Variants in TYW1B observed in about 807,000 individuals in gnomAD.
TYW1B encodes tRNA-yW synthesizing protein 1 homolog B.
TYW1B carries 73 observed loss-of-function variants against 86.9 expected under a neutral mutation model. The ratio of observed to expected loss-of-function variants is 0.84; its 90% CI spans 0.70 to 1.02. TYW1B has a LOEUF of 1.02. TYW1B is among the 50% of genes least tolerant of loss of function. The pLI, the probability that TYW1B is intolerant of heterozygous loss-of-function variation, is 0.00. For missense variants in TYW1B, 637 were observed against 827.4 expected (o/e 0.77, Z 2.82); for synonymous variants, 248 against 292.8 (o/e 0.85, Z 1.56).
chr7:72,633,568 C>A (rs1170397322), intron 11 of TYW1B, among the ~76,000 whole-genome samples: 1 of 152,216 alleles, frequency 6.6e-6, no homozygotes, highest in African/African-American at 2.4e-5. Context: ...CTGCTCCTCC[C>A]AGTGAATATC....
intron 7 of TYW1B, among the ~76,000 whole-genome samples, chr7:72,766,284 T>A (rs1787767589): frequency 6.6e-6 from 1 of 152,220 alleles, no homozygotes; most frequent in Admixed American, 6.5e-5. Context: ...CAAACTGACA[T>A]TGTCATATTA....
rs1459719199 is a variant in TYW1B at position 72,688,051 on chromosome 7, A to T, written c.1506+6636T>A. Among the ~76,000 whole-genome samples the T allele has an allele frequency of 2.6e-5, 4 of 152,186 alleles. No homozygotes were observed. The East Asian group carries it at 7.7e-4, about 29-fold the overall frequency. ...AAAATAATAATAATTAATAACATAT[A>T]TATAGTTGCAAAAATATGTACAACA... On this transcript the variant is annotated intron_variant, in intron 11 of 13. Transcript: ENST00000620995.
chr7:72,735,884 T>C (rs1330383462), intron 8 of TYW1B, among the ~76,000 whole-genome samples: 1 of 151,278 alleles, frequency 6.6e-6, no homozygotes. Flanking sequence ...AAAAAAAAAT[T>C]CACATACCGT....
chr7:72,770,520 C>T (rs1185615532), intron 7 of TYW1B, among the ~76,000 whole-genome samples: 15 of 151,452 alleles, frequency 9.9e-5, no homozygotes, highest in African/African-American at 3.6e-4. Context: ...AAAGACAATA[C>T]CACATGATGG....
chr7:72,769,072 C>T (rs556757525), intron 7 of TYW1B: 21 of 379,174 alleles, frequency 5.5e-5, no homozygotes, highest in Admixed American at 2.4e-4. Flanking sequence ...GCAAGGAACA[C>T]GGAGGCTAGT....
At chr7:72,628,564 C>T (rs1394930196) in intron 12 of TYW1B, among the ~76,000 whole-genome samples, 3 of 152,146 alleles carry the variant, frequency 2.0e-5, no homozygotes, top group Non-Finnish European at 4.4e-5. Context: ...TAAAAGTCAA[C>T]CAATTACTCA....
rs537695674 is a variant in TYW1B at position 72,656,007 on chromosome 7, C to T, written c.1507-27010G>A. Among the ~76,000 whole-genome samples, 105 of 152,346 alleles carry T rather than the reference C, an allele frequency of 6.9e-4. 2 individuals carry two copies. The South Asian group carries it at 0.021, about 30-fold the overall frequency. On this transcript the variant is annotated intron_variant, in intron 11 of 13. Transcript: ENST00000620995. The stretch of plus-strand genomic sequence containing the variant: ...CACCACTATTGCATGAGCATGCCAC[C>T]TGGAGGCCCAAAGACTGGCCCGACC...
intron 7 of TYW1B, chr7:72,768,998 C>A: frequency 3.1e-6 from 1 of 325,072 alleles, no homozygotes. Flanking sequence ...CTATTATTTT[C>A]CTACACATTT....
intron 11 of TYW1B, among the ~76,000 whole-genome samples, chr7:72,652,294 C>T (rs1554442919): frequency 7.3e-6 from 1 of 137,902 alleles, no homozygotes; most frequent in African/African-American, 2.6e-5. Flanking sequence ...AGGAGAATGG[C>T]ATGAACCCGG....
intron 11 of TYW1B, among the ~76,000 whole-genome samples, chr7:72,650,220 G>A (rs1813027822): frequency 6.6e-6 from 1 of 151,878 alleles, no homozygotes; most frequent in Non-Finnish European, 1.5e-5. Context: ...AGTCCAGAAT[G>A]TTTTTAACCC....
At chr7:72,682,524 A>G (rs1248879565) in intron 11 of TYW1B, among the ~76,000 whole-genome samples, 5 of 152,220 alleles carry the variant, frequency 3.3e-5, no homozygotes, top group Non-Finnish European at 5.9e-5. Flanking sequence ...ACTAGGTCTT[A>G]AAGAAAAAAG....
chr7:72,667,031 C>CAAAAAAAA (rs60691255), intron 11 of TYW1B, among the ~76,000 whole-genome samples: 19,915 of 42,122 alleles, frequency 0.47, 6,850 homozygotes, highest in Non-Finnish European at 0.55. Context: ...GACTCCGTCT[C>CAAAAAAAA]AAAAAAAAAA....
At chr7:72,778,633 G>C (rs746367370) in intron 6 of TYW1B, among the ~76,000 whole-genome samples, 96 of 152,150 alleles carry the variant, frequency 6.3e-4, no homozygotes, top group Non-Finnish European at 1.2e-3. Flanking sequence ...TGTATTTTTA[G>C]TAGAGACAGG....
intron 6 of TYW1B, among the ~76,000 whole-genome samples, chr7:72,788,370 A>C (rs1429529834): frequency 6.6e-6 from 1 of 152,176 alleles, no homozygotes; most frequent in Non-Finnish European, 1.5e-5. Flanking sequence ...TGGAAGTACA[A>C]GTTGAGTAGC....
chr7:72,598,393 T>C (rs1811584473), intron 13 of TYW1B, among the ~76,000 whole-genome samples: 1 of 152,004 alleles, frequency 6.6e-6, no homozygotes, highest in East Asian at 1.9e-4. Context: ...CCCCTATTAG[T>C]TCTATCCCTC....
Position 72,807,361 on chromosome 7 carries a change from G to A in TYW1B, c.433-5C>T, listed in dbSNP as rs187468738. ...CTTGTCAACATTTTTGCCAACCTGC[G>A]AGGAAAAGATAGATAGGCTAAAAGC... On this transcript the variant is annotated splice_region_variant and splice_polypyrimidine_tract_variant and intron_variant, in intron 4 of 13. Transcript: ENST00000620995. 238 of 1,610,484 alleles carry A rather than the reference G, an allele frequency of 1.5e-4. 1 individual carries two copies. In the East Asian group the frequency reaches 4.4e-3, roughly 29 times the overall value.
intron 8 of TYW1B, among the ~76,000 whole-genome samples, chr7:72,733,592 T>G (rs782476076): frequency 6.6e-6 from 1 of 151,738 alleles, no homozygotes; most frequent in Non-Finnish European, 1.5e-5. Flanking sequence ...ACCCAGGAGG[T>G]GGAGGTTGCA....
At chr7:72,781,517 G>A (rs1354060709) in intron 6 of TYW1B, among the ~76,000 whole-genome samples, 6 of 152,018 alleles carry the variant, frequency 3.9e-5, no homozygotes, top group Non-Finnish European at 5.9e-5. Context: ...CTTGCCAGTC[G>A]ACTCCCAGTA....
intron 13 of TYW1B, among the ~76,000 whole-genome samples, chr7:72,587,063 T>C (rs1354364218): frequency 1.3e-5 from 2 of 152,196 alleles, no homozygotes; most frequent in Non-Finnish European, 2.9e-5. Context: ...TCTAAATGGG[T>C]CTTCCAAACA....
Sources: gnomAD v4.1 joint callset for allele counts (sites outside exome capture counted in the v4.1 genomes callset) on GRCh38, gnomAD v4.1.1 for gene constraint, MANE v1.5 for transcripts, NCBI Gene and HGNC (gene_info 2026-07-23, HGNC 2026-07-21) for gene names.